The following IL21R variants were observed in gnomAD, a reference collection of about 807,000 sequenced individuals.
The protein encoded by IL21R is interleukin-21 receptor.
Under a neutral mutation model 41.3 loss-of-function variants are expected in IL21R, and 14 were observed. The ratio of observed to expected loss-of-function variants is 0.34; its 90% CI spans 0.22 to 0.53. IL21R has a LOEUF of 0.53. Among genes scored for constraint, IL21R ranks in the 20% least tolerant of loss-of-function variants. The pLI is 0.94. For synonymous variants in IL21R, 286 were observed against 287.6 expected (o/e 0.99, Z 0.05); for missense variants, 588 against 681.6 (o/e 0.86, Z 1.53).
chr16:27,449,338 C>T lies in IL21R; in HGVS notation c.*55C>T. ...AGGCCACTGGGCCCTGAGCCAGAGA[C>T]AAGGTCACCTGGGCTGTGATGTGAA... On this transcript the variant is annotated 3_prime_UTR_variant, in exon 9 of 9. Coordinates refer to ENST00000337929, the MANE Select transcript of IL21R (RefSeq NM_181078.3). The T allele has an allele frequency of 6.6e-7, 1 of 1,511,952 alleles. No individual in the cohort carries two copies. The highest frequency in any genetic ancestry group is 1.4e-5 in the African/African-American group (1 of 72,174). 93.7% of individuals were successfully genotyped at this position (1,511,952 alleles called of 1,614,324 possible).
chr16:27,419,087 C>A (rs760216425), intron 1 of IL21R, among the ~76,000 whole-genome samples: 1 of 152,016 alleles, frequency 6.6e-6, no homozygotes, highest in South Asian at 2.1e-4. Context: ...TGGTGGCGGG[C>A]GCCTGTAATC....
At chr16:27,444,499 T>G in intron 5 of IL21R, 43 bp from the exon 6 acceptor site, 1 of 1,392,222 alleles carries the variant, frequency 7.2e-7, no homozygotes, top group East Asian at 2.8e-5. Flanking sequence ...GGGGCTGGCC[T>G]GGTTTAACCC....
chr16:27,445,986 C>T (rs368026404), intron 7 of IL21R, 21 bp from the exon 8 acceptor site: 423 of 1,602,276 alleles, frequency 2.6e-4, no homozygotes, highest in Non-Finnish European at 3.5e-4. Flanking sequence ...TCAGGGTCCT[C>T]ACCCCTCTCT....
rs1465590486 is a variant in IL21R at position 27,446,019 on chromosome 16, G to T, written c.798G>T (p.Lys266Asn). Residue 266 changes from lysine (K) to asparagine (N), a missense_variant, in exon 8 of 9, where the codon AAG becomes AAT. Physicochemically the swap from Lys to Asn is moderately conservative, Grantham distance 94. Coordinates refer to ENST00000337929, the MANE Select transcript of IL21R (RefSeq NM_181078.3). ...KTHPLWRLWK[K>N]IWAVPSPERF... ...TCTGCCCCCTCAGGCTATGGAAGAA[G>T]ATATGGGCCGTCCCCAGCCCTGAGC... 1 of 1,613,162 alleles carries T rather than the reference G, an allele frequency of 6.2e-7. No individual in the cohort carries two copies. Among genetic ancestry groups the T allele is most frequent in the South Asian group, 1.1e-5 (1 of 90,884 alleles).
chr16:27,408,816 T>G (rs1177449262), intron 1 of IL21R, among the ~76,000 whole-genome samples: 1 of 152,052 alleles, frequency 6.6e-6, no homozygotes, highest in East Asian at 1.9e-4. Context: ...CCTACCTGGG[T>G]CACATTGCAG....
intron 1 of IL21R, among the ~76,000 whole-genome samples, chr16:27,415,417 C>T (rs1157171072): frequency 1.3e-5 from 2 of 152,122 alleles, no homozygotes; most frequent in African/African-American, 4.8e-5. Flanking sequence ...AAGAGGTAGA[C>T]GAGGTTCAGT....
At position 27,450,347 on chromosome 16, in the gene IL21R, C is replaced by G. The variant is rs1166994241; in HGVS notation, c.*1064C>G. On this transcript the variant is annotated 3_prime_UTR_variant, in exon 9 of 9. Coordinates refer to ENST00000337929, the MANE Select transcript of IL21R (RefSeq NM_181078.3). ...CAGGCCATGGCTCATGGGACCCACC[C>G]CCCGTGGCACTCATGGAGGGGGCTG... The G allele has an allele frequency of 1.3e-5, 3 of 231,722 alleles. No homozygotes were observed. Among genetic ancestry groups the G allele is most frequent in the Non-Finnish European group, 2.6e-5 (3 of 117,148 alleles). 14.4% of individuals were successfully genotyped at this position (231,722 alleles called of 1,614,324 possible). A position where few individuals can be genotyped will look rare whatever the true frequency, so the allele number is the denominator to read the frequency against.
intron 2 of IL21R, 106 bp from the exon 3 acceptor site, chr16:27,434,241 G>A: frequency 1.4e-6 from 1 of 723,178 alleles, no homozygotes; most frequent in South Asian, 1.6e-5. Context: ...TCCCGGCCTG[G>A]GGACCCCTGC....
Position 27,408,147 on chromosome 16 carries a change from A to G in IL21R, c.-17+5529A>G, listed in dbSNP as rs575758442. Among the ~76,000 whole-genome samples the G allele has an allele frequency of 7.2e-5, 11 of 152,308 alleles. No homozygotes were observed. The South Asian group carries it at 2.3e-3, about 32-fold the overall frequency. The stretch of plus-strand genomic sequence containing the variant: ...TGCCCAGAATATAGATGAAAACACC[A>G]TGAGCTATGTACTATGTGGAGGGTG... On this transcript the variant is annotated intron_variant, in intron 1 of 8. Coordinates refer to ENST00000337929, the MANE Select transcript of IL21R (RefSeq NM_181078.3).
At chr16:27,406,805 A>G (rs909848692) in intron 1 of IL21R, among the ~76,000 whole-genome samples, 4 of 152,220 alleles carry the variant, frequency 2.6e-5, no homozygotes, top group African/African-American at 9.7e-5. Context: ...ACAGATGAGG[A>G]AAGCTGAGGC....
intron 7 of IL21R, among the ~76,000 whole-genome samples, chr16:27,445,718 A>T (rs1274367001): frequency 6.6e-6 from 1 of 151,988 alleles, no homozygotes; most frequent in African/African-American, 2.4e-5. Context: ...CTCTCTGCGC[A>T]CCCCTGGTTG....
In IL21R at chr16:27,434,425, A is replaced by G; in HGVS notation, c.128A>G (p.His43Arg). 3.7e-6 allele frequency: 6 copies of G among 1,613,194 alleles called. No homozygotes were observed. The highest frequency in any genetic ancestry group is 5.1e-6 in the Non-Finnish European group (6 of 1,179,402). ...TGCATCCTGGAAATGTGGAACCTCC[A>G]CCCCAGCACGCTCACCCTTACCTGG... is the stretch of plus-strand genomic sequence containing the variant. ...VICILEMWNLHPSTLTLTWQD... is the reference protein window; with the variant it reads ...VICILEMWNLRPSTLTLTWQD... Residue 43 changes from histidine to arginine, a missense_variant, in exon 3 of 9, where the codon CAC (histidine) becomes CGC (arginine). His to Arg is a conservative substitution (Grantham distance 29, BLOSUM62 0). Coordinates refer to ENST00000337929, the MANE Select transcript of IL21R (RefSeq NM_181078.3).
Position 27,402,416 on chromosome 16 carries a change from G to A in IL21R, c.-219G>A. ...TGTGGGACACCTGCCTGGAGGCCCA[G>A]CTGCCCGTCATCAGAGTGACAGGTC... is the stretch of plus-strand genomic sequence containing the variant. On this transcript the variant is annotated 5_prime_UTR_variant, in exon 1 of 9. Coordinates refer to ENST00000337929, the MANE Select transcript of IL21R (RefSeq NM_181078.3). The A allele has an allele frequency of 6.5e-6, 1 of 152,674 alleles. No individual in the cohort carries two copies. The highest frequency in any genetic ancestry group is 1.5e-5 in the Non-Finnish European group (1 of 68,276). The allele number at this position is 152,674 out of a possible 1,614,324, so 9.5% of individuals were successfully genotyped here. A position where few individuals can be genotyped will look rare whatever the true frequency, so the allele number is the denominator to read the frequency against.
intron 2 of IL21R, among the ~76,000 whole-genome samples, chr16:27,431,283 G>A (rs2087166824): frequency 1.3e-5 from 2 of 152,152 alleles, no homozygotes; most frequent in Admixed American, 6.5e-5. Context: ...AAAGCCTTTG[G>A]GTCACCCACC....
chr16:27,427,068 CA>C (rs1479870409), intron 1 of IL21R, among the ~76,000 whole-genome samples: 5 of 151,768 alleles, frequency 3.3e-5, no homozygotes, highest in Non-Finnish European at 4.4e-5. Flanking sequence ...GAGAAGATAC[CA>C]AAAAAAGTGT....
Position 27,448,968 on chromosome 16 carries a change from C to T in IL21R, c.1302C>T (p.Gly434=), listed in dbSNP as rs2087537850. ...TVLSCGCVSA[G]SPGLGGPLGS... ...TGTCCTGTGGCTGTGTCTCAGCTGG[C>T]AGCCCTGGGCTAGGAGGGCCCCTGG... is the stretch of plus-strand genomic sequence containing the variant. The change falls in exon 9 of 9, where the codon GGC becomes GGT. Residue 434 remains glycine, a synonymous_variant. Coordinates refer to ENST00000337929, the MANE Select transcript of IL21R (RefSeq NM_181078.3). 6.2e-7 allele frequency: 1 copy of T among 1,613,104 alleles called. No individual in the cohort carries two copies. The highest frequency in any genetic ancestry group is 8.5e-7 in the Non-Finnish European group (1 of 1,179,890).
intron 1 of IL21R, chr16:27,403,219 T>TG: frequency 7.5e-7 from 1 of 1,336,672 alleles, no homozygotes; most frequent in South Asian, 1.2e-5. Flanking sequence ...ACGGGTCGGA[T>TG]GGTAAGAGGC....
At chr16:27,404,316 A>G (rs1280486534) in intron 1 of IL21R, among the ~76,000 whole-genome samples, 1 of 152,178 alleles carries the variant, frequency 6.6e-6, no homozygotes, top group Non-Finnish European at 1.5e-5. Context: ...AGCAAGGCAA[A>G]GACAGCTCTG....
At chr16:27,437,364 G>A in intron 3 of IL21R, 124 bp from the exon 4 acceptor site, 1 of 760,508 alleles carries the variant, frequency 1.3e-6, no homozygotes, top group Non-Finnish European at 2.2e-6. Flanking sequence ...CCACCCCCCA[G>A]CCCTGCCTCA....
Sources: allele counts gnomAD v4.1 joint callset (sites outside exome capture counted in the v4.1 genomes callset), GRCh38; gene constraint gnomAD v4.1.1; transcripts MANE v1.5; gene names NCBI Gene and HGNC (gene_info 2026-07-23, HGNC 2026-07-21).